Variants in LAMA2 observed in about 807,000 individuals in gnomAD.
The protein encoded by LAMA2 is laminin subunit alpha 2.
A neutral mutation model predicts 364.8 loss-of-function variants in LAMA2; 269 were observed. The ratio of observed to expected loss-of-function variants is 0.74; its 90% confidence interval spans 0.67 to 0.82. The LOEUF is 0.82. Among genes scored for constraint, LAMA2 ranks in the 40% least tolerant of loss-of-function variants. The probability of loss-of-function intolerance (pLI) is 0.00; values close to 1 mark genes in which losing one functional copy is unlikely to be tolerated. For missense variants in LAMA2, 3,807 were observed against 3,873.2 expected (o/e 0.98, Z 0.45); for synonymous variants, 1,379 against 1,370.6 (o/e 1.01, Z -0.14).
At position 129,250,220 on chromosome 6, in the gene LAMA2, T is replaced by A. The variant is rs1383904266; in HGVS notation, c.1884+7T>A. On this transcript the variant is annotated splice_region_variant and intron_variant, in intron 13 of 64. Transcript: ENST00000421865. ...GCTTATGATTATCTTAGAGGTAGAG[T>A]ACTGAGAGCATGTTCACCCGTGTTA... is the stretch of plus-strand genomic sequence containing the variant. 2.0e-6 allele frequency: 3 copies of A among 1,487,954 alleles called. No individual in the cohort carries two copies. The Admixed American group carries it at 5.0e-5, about 25-fold the overall frequency. 92.2% of individuals were successfully genotyped at this position (1,487,954 alleles called of 1,614,324 possible). A position where few individuals can be genotyped will look rare whatever the true frequency, so the allele number is the denominator to read the frequency against.
At chr6:129,103,293 T>A (rs983448408) in intron 4 of LAMA2, among the ~76,000 whole-genome samples, 12 of 152,332 alleles carry the variant, frequency 7.9e-5, no homozygotes, top group African/African-American at 2.6e-4. Flanking sequence ...TGCATTTAAT[T>A]TTTTTTATTT....
chr6:129,102,081 T>A (rs1175619913), intron 4 of LAMA2, among the ~76,000 whole-genome samples: 1 of 151,870 alleles, frequency 6.6e-6, no homozygotes, highest in Non-Finnish European at 1.5e-5. Context: ...ATTTCATATA[T>A]TTTTCAGTTT....
intron 57 of LAMA2, 37 bp downstream of exon 57, chr6:129,492,114 A>G: frequency 6.3e-7 from 1 of 1,584,442 alleles, no homozygotes; most frequent in East Asian, 2.2e-5. Flanking sequence ...CTAATTTTTT[A>G]TTTTTATTTC....
chr6:129,488,778 A>T (rs1018013100), intron 56 of LAMA2, among the ~76,000 whole-genome samples: 5 of 152,256 alleles, frequency 3.3e-5, no homozygotes, highest in Non-Finnish European at 5.9e-5. Context: ...AGCAAGTGCC[A>T]CATTAAACTG....
intron 4 of LAMA2, among the ~76,000 whole-genome samples, chr6:129,109,468 A>G (rs1392454437): frequency 6.6e-6 from 1 of 152,090 alleles, no homozygotes; most frequent in Admixed American, 6.6e-5. Flanking sequence ...ATGTCACTAC[A>G]TTTTGAAATA....
rs9402137 is a variant in LAMA2 at position 129,486,850 on chromosome 6, C to A, written c.7898+228C>A. Among the ~76,000 whole-genome samples the A allele has an allele frequency of 0.63, 95,987 of 151,956 alleles. 31,328 individuals carry two copies. The highest frequency in any genetic ancestry group is 0.72 in the Non-Finnish European group (48,928 of 67,972). On this transcript the variant is annotated intron_variant, in intron 56 of 64. Transcript: ENST00000421865. ...AACATTTTTATTCGTGCAGTTATCT[C>A]CACCTTTGGAAAAACCAAATGCATT...
chr6:129,052,732 G>A (rs1254027371), intron 2 of LAMA2, among the ~76,000 whole-genome samples: 2 of 151,932 alleles, frequency 1.3e-5, no homozygotes, highest in African/African-American at 4.8e-5. Flanking sequence ...TACCATTAGA[G>A]TATCACGCAA....
At chr6:128,976,237 G>A (rs1362954847) in intron 1 of LAMA2, among the ~76,000 whole-genome samples, 1 of 152,198 alleles carries the variant, frequency 6.6e-6, no homozygotes, top group Non-Finnish European at 1.5e-5. Flanking sequence ...TCAGATTGCT[G>A]ATTTGGTTAA....
chr6:129,474,533 T>C (rs1336256), intron 52 of LAMA2, among the ~76,000 whole-genome samples: 63,269 of 151,856 alleles, frequency 0.42, 13,359 homozygotes, highest in African/African-American at 0.46. Flanking sequence ...CACCAAAAGT[T>C]TGTTGAGTAT....
rs771616248 is a variant in LAMA2 at position 129,098,373 on chromosome 6, C to T, written c.597C>T (p.Cys199=). 1 of 1,613,650 alleles carries T rather than the reference C, an allele frequency of 6.2e-7. No individual in the cohort carries two copies. Among genetic ancestry groups the T allele is most frequent in the East Asian group, 2.2e-5 (1 of 44,880 alleles). ...PSYAKDDEVI[C]TSFYSKIHPL... ...ATGCCAAAGATGATGAGGTCATCTGCACTTCATTTTACTCCAAGATACACC... is the reference window on the plus strand; with the variant it reads ...ATGCCAAAGATGATGAGGTCATCTGTACTTCATTTTACTCCAAGATACACC... Residue 199 remains cysteine (C), a synonymous_variant, in exon 4 of 65, where the codon TGC becomes TGT. Transcript: ENST00000421865.
intron 18 of LAMA2, among the ~76,000 whole-genome samples, chr6:129,283,534 ACTT>A (rs1331974408): frequency 5.3e-5 from 8 of 151,954 alleles, no homozygotes; most frequent in Admixed American, 2.0e-4. Context: ...ATTTTTAACA[ACTT>A]CTCCTTAAGT....
intron 33 of LAMA2, among the ~76,000 whole-genome samples, chr6:129,369,613 G>T (rs1200641488): frequency 6.6e-6 from 1 of 152,024 alleles, no homozygotes; most frequent in Admixed American, 6.6e-5. Context: ...ATGGAATAAT[G>T]CTTACCCCCC....
Position 129,145,466 on chromosome 6 carries a change from A to G in LAMA2, c.819+1386A>G, listed in dbSNP as rs772561346. Among the ~76,000 whole-genome samples, 2 of 152,078 alleles carry G rather than the reference A, an allele frequency of 1.3e-5. 1 individual carries two copies. Among genetic ancestry groups the G allele is most frequent in the Non-Finnish European group, 2.9e-5 (2 of 67,980 alleles). On this transcript the variant is annotated intron_variant, in intron 5 of 64. Transcript: ENST00000421865. The stretch of plus-strand genomic sequence containing the variant: ...TGTTTGGATTTTTCACTTGTTTAAG[A>G]AAACATTTTCAATTCTAATTTTGGC...
chr6:129,456,805 C>T (rs1262524042), intron 48 of LAMA2, among the ~76,000 whole-genome samples: 1 of 152,080 alleles, frequency 6.6e-6, no homozygotes, highest in East Asian at 1.9e-4. Flanking sequence ...TATACCTCAT[C>T]TTCTGAATCG....
In LAMA2 at chr6:129,211,997, G is replaced by A. The variant is rs150596369; in HGVS notation, c.1782+19144G>A. Among the ~76,000 whole-genome samples the A allele has an allele frequency of 3.9e-3, 590 of 152,268 alleles. 3 individuals are homozygous for A. The highest frequency in any genetic ancestry group is 0.011 in the African/African-American group (471 of 41,552). On this transcript the variant is annotated intron_variant, in intron 12 of 64. Transcript: ENST00000421865. ...TTATTTCTGTTTACACAAAAGATAAGAGAAAATACAGGTAAAATTATCCTA... is the reference window on the plus strand; with the variant it reads ...TTATTTCTGTTTACACAAAAGATAAAAGAAAATACAGGTAAAATTATCCTA...
At chr6:129,314,899 A>G in intron 24 of LAMA2, 101 bp downstream of exon 24, 1 of 1,211,836 alleles carries the variant, frequency 8.3e-7, no homozygotes, top group South Asian at 1.2e-5. Context: ...CAAAACATTT[A>G]AGTAACCTTT....
chr6:129,316,056 G>C lies in LAMA2; in HGVS notation c.3943G>C (p.Gly1315Arg). The change falls in exon 27 of 65, where the codon GGG (glycine) becomes CGG (arginine). Residue 1315 changes from glycine (G) to arginine (R), a missense_variant. This residue lies in a region of LAMA2 where 3,333 missense variants were observed against 3,345.7 expected (regional missense o/e 1.00). Transcript: ENST00000421865. ...EMTEKEWKYY[G>R]DDPRVHRTVT... Reference sequence around the variant, plus strand: ...TTAACAGAAAGAATGGAAATATTATGGGGATGATCCTCGAGTCCATAGAAC... The same window carrying C: ...TTAACAGAAAGAATGGAAATATTATCGGGATGATCCTCGAGTCCATAGAAC... The C allele has an allele frequency of 6.2e-7, 1 of 1,613,896 alleles. No individual in the cohort carries two copies. Among genetic ancestry groups the C allele is most frequent in the Non-Finnish European group, 8.5e-7 (1 of 1,179,840 alleles).
chr6:129,056,212 G>C (rs1011060848), intron 2 of LAMA2, among the ~76,000 whole-genome samples: 2 of 152,162 alleles, frequency 1.3e-5, no homozygotes, highest in African/African-American at 4.8e-5. Context: ...TTCTTCAGAA[G>C]AAGTGCCAAC....
intron 47 of LAMA2, among the ~76,000 whole-genome samples, chr6:129,455,292 T>C (rs1393420792): frequency 6.6e-6 from 1 of 152,058 alleles, no homozygotes; most frequent in Non-Finnish European, 1.5e-5. Flanking sequence ...TTTTAGTTCT[T>C]TTTAAGGAAG....
Sources: gnomAD v4.1 joint callset for allele counts (sites outside exome capture counted in the v4.1 genomes callset) on GRCh38, gnomAD v4.1.1 for gene constraint, gnomAD v4.1.1 regional missense constraint, MANE v1.5 for transcripts, NCBI Gene and HGNC (gene_info 2026-07-23, HGNC 2026-07-21) for gene names.